Variants in NOS1AP observed in about 807,000 individuals in gnomAD.
NOS1AP encodes the protein carboxyl-terminal PDZ ligand of neuronal nitric oxide synthase protein.
A neutral mutation model predicts 56.2 loss-of-function variants in NOS1AP; 21 were observed. The ratio of observed to expected loss-of-function variants is 0.37; its 90% CI spans 0.26 to 0.54. The LOEUF is 0.54. Ranked by LOEUF, NOS1AP falls within the 20% of genes least tolerant of loss-of-function variation. NOS1AP has a pLI of 0.84. For missense variants in NOS1AP, 522 were observed against 657.8 expected, an observed-to-expected ratio of 0.79 and a Z score of 2.26; for synonymous variants, 270 against 274.6, an observed-to-expected ratio of 0.98 and a Z score of 0.17.
At chr1:162,253,292 A>C (rs1348945432) in intron 2 of NOS1AP, among the ~76,000 whole-genome samples, 1 of 152,190 alleles carries the variant, frequency 6.6e-6, no homozygotes, top group East Asian at 1.9e-4. Context: ...CCCAGCCACT[A>C]GAACTGTGAG....
intron 2 of NOS1AP, among the ~76,000 whole-genome samples, chr1:162,247,782 T>C (rs1440176234): frequency 6.6e-6 from 1 of 152,164 alleles, no homozygotes; most frequent in African/African-American, 2.4e-5. Flanking sequence ...AAATGTAACT[T>C]GCCAACACTA....
intron 8 of NOS1AP, among the ~76,000 whole-genome samples, chr1:162,358,935 A>G (rs1235460418): frequency 1.3e-5 from 2 of 152,206 alleles, no homozygotes; most frequent in East Asian, 3.8e-4. Flanking sequence ...GGAAGCATTC[A>G]ATCTCCAAAG....
At chr1:162,364,003 T>C in intron 8 of NOS1AP, 1 of 985,368 alleles carries the variant, frequency 1.0e-6, no homozygotes, top group Non-Finnish European at 1.2e-6. Flanking sequence ...TATCCACAAG[T>C]GTAATTCTCT....
intron 3 of NOS1AP, among the ~76,000 whole-genome samples, chr1:162,299,720 T>C (rs1041373599): frequency 1.3e-5 from 2 of 152,200 alleles, no homozygotes; most frequent in Non-Finnish European, 2.9e-5. Flanking sequence ...ATGGATCATA[T>C]TGGTGTTTAA....
chr1:162,132,330 G>A (rs960813540), intron 1 of NOS1AP, among the ~76,000 whole-genome samples: 6 of 152,362 alleles, frequency 3.9e-5, no homozygotes, highest in South Asian at 2.1e-4. Context: ...GAATCCATAG[G>A]AAGAAGCTTG....
At chr1:162,127,966 G>GT (rs924484090) in intron 1 of NOS1AP, among the ~76,000 whole-genome samples, 16 of 151,340 alleles carry the variant, frequency 1.1e-4, no homozygotes, top group Admixed American at 2.0e-4. Flanking sequence ...ATTTGCTTAT[G>GT]TTTTTTTTTG....
chr1:162,347,851 C>A (rs1026715301), intron 6 of NOS1AP, among the ~76,000 whole-genome samples: 2 of 152,244 alleles, frequency 1.3e-5, no homozygotes, highest in Middle Eastern at 6.3e-3. Flanking sequence ...ACAGTCAACG[C>A]CGTTCCCTCT....
intron 1 of NOS1AP, among the ~76,000 whole-genome samples, chr1:162,119,754 C>T (rs1648126676): frequency 6.6e-6 from 1 of 152,154 alleles, no homozygotes; most frequent in African/African-American, 2.4e-5. Flanking sequence ...GAATCTCTCT[C>T]TTGTCTTTGT....
chr1:162,087,267 T>C (rs1031937054), intron 1 of NOS1AP, among the ~76,000 whole-genome samples: 2 of 152,158 alleles, frequency 1.3e-5, no homozygotes, highest in African/African-American at 4.8e-5. Context: ...TAGCTTTAAG[T>C]TGTTTTCTGT....
chr1:162,200,675 A>G (rs536061798), intron 2 of NOS1AP, among the ~76,000 whole-genome samples: 2 of 152,318 alleles, frequency 1.3e-5, no homozygotes, highest in South Asian at 4.1e-4. Flanking sequence ...TGGGAGGATG[A>G]CTTTTGGAGA....
At chr1:162,287,094 GT>G (rs1355857269) in intron 2 of NOS1AP, among the ~76,000 whole-genome samples, 1 of 152,134 alleles carries the variant, frequency 6.6e-6, no homozygotes, top group Non-Finnish European at 1.5e-5. Flanking sequence ...AATAGGCTAT[GT>G]TTTCATCTCA....
rs569803980 is a variant in NOS1AP, at chr1:162,352,392, T to C, written c.596-2795T>C. 1.4e-3 allele frequency among the ~76,000 whole-genome samples: 215 copies of C among 151,498 alleles called. 1 individual carries two copies. The highest frequency in any genetic ancestry group is 2.2e-3 in the Non-Finnish European group (150 of 67,920). ...CCTCTTCTACCTACCCCTTAAGTGT[T>C]GGAATTTCTCCTGGACTTGCCCCTG... On this transcript the variant is annotated intron_variant, in intron 6 of 9. Coordinates refer to ENST00000361897, the MANE Select transcript of NOS1AP (RefSeq NM_014697.3).
intron 2 of NOS1AP, among the ~76,000 whole-genome samples, chr1:162,258,994 G>A (rs115306089): frequency 0.028 from 4,214 of 152,188 alleles, 77 homozygotes; most frequent in Non-Finnish European, 0.038. Context: ...CCCTCATCTT[G>A]TAAACCTCAT....
At chr1:162,238,162 G>C (rs573791360) in intron 2 of NOS1AP, among the ~76,000 whole-genome samples, 2 of 152,186 alleles carry the variant, frequency 1.3e-5, no homozygotes, top group African/African-American at 4.8e-5. Context: ...ATTTTGTTCT[G>C]TGTAACAATG....
At chr1:162,223,625 T>G (rs1346536705) in intron 2 of NOS1AP, among the ~76,000 whole-genome samples, 1 of 152,186 alleles carries the variant, frequency 6.6e-6, no homozygotes, top group Non-Finnish European at 1.5e-5. Context: ...GAAAAAAAAT[T>G]TAATTGTGTT....
At chr1:162,321,948 C>T (rs1050466042) in intron 4 of NOS1AP, among the ~76,000 whole-genome samples, 4 of 151,948 alleles carry the variant, frequency 2.6e-5, no homozygotes, top group Non-Finnish European at 2.9e-5. Flanking sequence ...AAAAAGTTCC[C>T]GTTGGTGCTG....
chr1:162,312,990 G>C (rs1034993296), intron 4 of NOS1AP, among the ~76,000 whole-genome samples: 1 of 151,928 alleles, frequency 6.6e-6, no homozygotes, highest in African/African-American at 2.4e-5. Flanking sequence ...TCAAAATAAT[G>C]AGAGCTATCT....
chr1:162,199,648 G>GTGTGTGTGTA (rs1651926897), intron 2 of NOS1AP, among the ~76,000 whole-genome samples: 1 of 116,962 alleles, frequency 8.5e-6, no homozygotes. Flanking sequence ...GTGTCTGTGT[G>GTGTGTGTGTA]TAAATTCTTG....
chr1:162,347,508 G>A (rs1178906989), intron 6 of NOS1AP, among the ~76,000 whole-genome samples: 1 of 152,182 alleles, frequency 6.6e-6, no homozygotes, highest in Non-Finnish European at 1.5e-5. Flanking sequence ...ATCAGAACCT[G>A]TCACTCAGCT....
Sources: gnomAD v4.1 joint callset for allele counts (sites outside exome capture counted in the v4.1 genomes callset) on GRCh38, gnomAD v4.1.1 for gene constraint, MANE v1.5 for transcripts, NCBI Gene and HGNC (gene_info 2026-07-23, HGNC 2026-07-21) for gene names.